EZR: variants seen among roughly 807,000 people sequenced by gnomAD.
The protein encoded by EZR is ezrin, also known as cytovillin 2.
EZR carries 40 observed loss-of-function variants against 74.8 expected under a neutral mutation model. The observed-to-expected ratio is 0.53, with a 90% CI of 0.42 to 0.70. The LOEUF (loss-of-function observed/expected upper bound fraction) is 0.70. Among genes scored for constraint, EZR ranks in the 30% least tolerant of loss-of-function variants. EZR has a pLI of 0.00. For missense variants in EZR, 678 were observed against 755.8 expected (o/e 0.90, Z 1.21); for synonymous variants, 341 against 283.3 (o/e 1.20, Z -2.05).
rs770241730 is a variant in EZR at position 158,769,842 on chromosome 6, C to T, written c.1193G>A (p.Arg398Gln). The change falls in exon 11 of 14, where the codon CGG becomes CAG. Residue 398 changes from arginine to glutamine, a missense_variant. Around this residue, in one of 3 missense-constraint regions of EZR, gnomAD observed 342 missense variants for 341.2 expected, o/e 1.00. Transcript: ENST00000367075. ...RLEADRMAAL[R>Q]AKEELERQAV... ...CTGTCTCTCCAGCTCCTCCTTAGCC[C>T]GCAGTGCAGCCATACGGTCAGCCTC... 19 of 1,613,892 alleles carry T rather than the reference C, an allele frequency of 1.2e-5. 1 individual carries two copies. Among genetic ancestry groups the T allele is most frequent in the Admixed American group, 5.0e-5 (3 of 60,002 alleles).
chr6:158,811,741 T>C (rs1777454415), intron 2 of EZR, among the ~76,000 whole-genome samples: 1 of 152,082 alleles, frequency 6.6e-6, no homozygotes. Context: ...TGTGTGCCTG[T>C]GGTCCCAGTT....
chr6:158,807,329 A>C (rs9457469), intron 2 of EZR, among the ~76,000 whole-genome samples: 115,791 of 149,444 alleles, frequency 0.77, 46,741 homozygotes, highest in African/African-American at 0.9. Context: ...AAAAAAAAAA[A>C]AAACAAACAA....
intron 2 of EZR, among the ~76,000 whole-genome samples, chr6:158,813,987 G>A (rs1562509056): frequency 6.6e-6 from 1 of 152,124 alleles, no homozygotes; most frequent in Non-Finnish European, 1.5e-5. Context: ...TGGGAGAAAG[G>A]CGCTCCGCAG....
intron 7 of EZR, among the ~76,000 whole-genome samples, chr6:158,777,786 G>A (rs935686572): frequency 5.9e-5 from 9 of 152,082 alleles, no homozygotes; most frequent in Admixed American, 2.6e-4. Flanking sequence ...GGGAATTAGC[G>A]CAGTCAGTCA....
intron 3 of EZR, 73 bp from the exon 4 acceptor site, chr6:158,787,276 T>TCA: frequency 7.9e-7 from 1 of 1,264,786 alleles, no homozygotes. Flanking sequence ...TGGCTGTCGT[T>TCA]CATCACATGG....
At position 158,767,250 on chromosome 6, in the gene EZR, T is replaced by C; in HGVS notation, c.1596+11A>G. On this transcript the variant is annotated intron_variant, in intron 13 of 13. Coordinates refer to ENST00000367075, the MANE Select transcript of EZR (RefSeq NM_001111077.2). ...GCAGGCTCCCTGGAGACAGAGCCCC[T>C]TGGGCCTCACCAGCAGCTGCCGCTG... is the stretch of plus-strand genomic sequence containing the variant. 1 of 1,608,276 alleles carries C rather than the reference T, an allele frequency of 6.2e-7. No individual in the cohort carries two copies. Among genetic ancestry groups the C allele is most frequent in the Non-Finnish European group, 8.5e-7 (1 of 1,176,182 alleles).
chr6:158,773,197 T>C (rs1433152202), intron 8 of EZR, among the ~76,000 whole-genome samples: 2 of 152,084 alleles, frequency 1.3e-5, no homozygotes, highest in African/African-American at 2.4e-5. Context: ...TGGGGGTGCA[T>C]GGGTGGGGGG....
At chr6:158,812,513 A>C (rs1777471507) in intron 2 of EZR, among the ~76,000 whole-genome samples, 1 of 152,150 alleles carries the variant, frequency 6.6e-6, no homozygotes, top group Non-Finnish European at 1.5e-5. Flanking sequence ...ACACTGCACT[A>C]AATTAACCCT....
intron 2 of EZR, among the ~76,000 whole-genome samples, chr6:158,813,449 T>G (rs554977271): frequency 1.3e-5 from 2 of 152,374 alleles, no homozygotes; most frequent in Non-Finnish European, 2.9e-5. Context: ...ACATTCATTG[T>G]GCCTTACAGC....
At chr6:158,791,591 C>T (rs71565721) in intron 2 of EZR, among the ~76,000 whole-genome samples, 1 of 151,944 alleles carries the variant, frequency 6.6e-6, no homozygotes, top group Non-Finnish European at 1.5e-5. Flanking sequence ...CTTTCTTTCT[C>T]TGCTATCTAC....
chr6:158,810,700 A>T (rs1777435547), intron 2 of EZR, among the ~76,000 whole-genome samples: 1 of 152,176 alleles, frequency 6.6e-6, no homozygotes, highest in African/African-American at 2.4e-5. Context: ...TGAGAAGACC[A>T]ATGGACAAAC....
At chr6:158,767,235 T>C in intron 13 of EZR, 26 bp downstream of exon 13, 1 of 1,599,468 alleles carries the variant, frequency 6.3e-7, no homozygotes, top group Non-Finnish European at 8.5e-7. Flanking sequence ...GCAGGCTCCC[T>C]GGAGACAGAG....
intron 2 of EZR, among the ~76,000 whole-genome samples, chr6:158,814,282 G>GCCC (rs749784219): frequency 1.3e-5 from 2 of 152,012 alleles, no homozygotes; most frequent in Admixed American, 1.3e-4. Context: ...TGCCGCGTGC[G>GCCC]CCCCCCAGCC....
chr6:158,796,608 T>C (rs1777078319), intron 2 of EZR, among the ~76,000 whole-genome samples: 1 of 151,668 alleles, frequency 6.6e-6, no homozygotes, highest in African/African-American at 2.4e-5. Flanking sequence ...TTTGAAATTA[T>C]TTGGCTTTGA....
intron 7 of EZR, among the ~76,000 whole-genome samples, chr6:158,781,378 TGAGA>T (rs890992920): frequency 6.6e-6 from 1 of 152,120 alleles, no homozygotes; most frequent in Admixed American, 6.5e-5. Flanking sequence ...AAGAACCATC[TGAGA>T]GAGTTGCCAC....
At chr6:158,791,234 TC>T (rs970730628) in intron 2 of EZR, among the ~76,000 whole-genome samples, 1 of 152,056 alleles carries the variant, frequency 6.6e-6, no homozygotes, top group African/African-American at 2.4e-5. Flanking sequence ...TTCTCCACAA[TC>T]CCCAAGTCCA....
intron 7 of EZR, among the ~76,000 whole-genome samples, chr6:158,778,157 A>G (rs930654005): frequency 1.3e-5 from 2 of 152,296 alleles, no homozygotes; most frequent in Non-Finnish European, 2.9e-5. Flanking sequence ...TGGCACCAAC[A>G]GAGAAGCTAG....
In EZR at chr6:158,766,733, G is replaced by C; in HGVS notation, c.*181C>G. The C allele has an allele frequency of 1.5e-6, 1 of 656,764 alleles. No homozygotes were observed. Among genetic ancestry groups the C allele is most frequent in the Non-Finnish European group, 2.7e-6 (1 of 373,372 alleles). The allele number at this position is 656,764 out of a possible 1,614,324, so 40.7% of individuals were successfully genotyped here. On this transcript the variant is annotated 3_prime_UTR_variant, in exon 14 of 14. Coordinates refer to ENST00000367075, the MANE Select transcript of EZR (RefSeq NM_001111077.2). ...GGCCTGCTTGGCACTATTACAACTGGGGAAAACAAACCAGGGCGCCTCCCT... is the reference window on the plus strand; with the variant it reads ...GGCCTGCTTGGCACTATTACAACTGCGGAAAACAAACCAGGGCGCCTCCCT...
At chr6:158,784,965 G>A (rs1180316470) in intron 5 of EZR, among the ~76,000 whole-genome samples, 1 of 152,182 alleles carries the variant, frequency 6.6e-6, no homozygotes, top group Non-Finnish European at 1.5e-5. Flanking sequence ...ATTTTAAGTG[G>A]CCTCTTCTTC....
Sources: allele counts gnomAD v4.1 joint callset (sites outside exome capture counted in the v4.1 genomes callset), GRCh38; gene constraint gnomAD v4.1.1; regional missense constraint gnomAD v4.1.1; transcripts MANE v1.5; gene names NCBI Gene and HGNC (gene_info 2026-07-23, HGNC 2026-07-21).